Variants in RAD51B observed in about 807,000 individuals in gnomAD.
RAD51B encodes RAD51 paralog B.
RAD51B carries 38 observed loss-of-function variants against 42.2 expected under a neutral mutation model. The ratio of observed to expected loss-of-function variants is 0.90; its 90% CI spans 0.70 to 1.18. The LOEUF is 1.18. Among genes scored for constraint, RAD51B ranks in the 50% most tolerant of loss-of-function variants. The pLI is 0.00. For missense variants in RAD51B, 373 were observed against 400.7 expected (o/e 0.93, Z 0.59); for synonymous variants, 154 against 145.2 (o/e 1.06, Z -0.43).
chr14:68,196,206 A>T (rs2079370459), intron 7 of RAD51B, among the ~76,000 whole-genome samples: 1 of 151,992 alleles, frequency 6.6e-6, no homozygotes, highest in East Asian at 1.9e-4. Context: ...AAAAAAAAAA[A>T]ATTATATTCC....
chr14:67,870,973 A>G (rs1293616802), intron 5 of RAD51B, among the ~76,000 whole-genome samples: 2 of 150,910 alleles, frequency 1.3e-5, no homozygotes, highest in Admixed American at 6.6e-5. Flanking sequence ...AAATGCCCAC[A>G]AGAGAAAGCA....
intron 8 of RAD51B, among the ~76,000 whole-genome samples, chr14:68,337,646 C>A (rs2082484470): frequency 1.3e-5 from 2 of 152,208 alleles, no homozygotes; most frequent in Non-Finnish European, 2.9e-5. Flanking sequence ...TATCCCAGAC[C>A]AGCTGAATCA....
chr14:67,996,322 G>C (rs2075382574), intron 7 of RAD51B, among the ~76,000 whole-genome samples: 1 of 151,702 alleles, frequency 6.6e-6, no homozygotes, highest in African/African-American at 2.4e-5. Context: ...TTTGAGACCA[G>C]GAGGTCGAGG....
At chr14:67,876,415 G>A (rs948013157) in intron 5 of RAD51B, among the ~76,000 whole-genome samples, 1 of 152,058 alleles carries the variant, frequency 6.6e-6, no homozygotes, top group Non-Finnish European at 1.5e-5. Flanking sequence ...TAATAATTTT[G>A]TACAGGGTTT....
At chr14:68,169,295 A>G (rs1211274138) in intron 7 of RAD51B, among the ~76,000 whole-genome samples, 1 of 152,130 alleles carries the variant, frequency 6.6e-6, no homozygotes, top group Non-Finnish European at 1.5e-5. Flanking sequence ...TTCTGGTTAT[A>G]TTCTCCTCAT....
intron 3 of RAD51B, among the ~76,000 whole-genome samples, chr14:67,827,806 A>C (rs1197636629): frequency 6.6e-6 from 1 of 152,194 alleles, no homozygotes; most frequent in African/African-American, 2.4e-5. Context: ...ATGCCCCTGC[A>C]AAGGACATAA....
exon 11 of RAD51B, chr14:68,594,829 C>G: frequency 8.3e-7 from 1 of 1,210,836 alleles, no homozygotes; most frequent in Non-Finnish European, 1.0e-6. Flanking sequence ...GTGACCTGCT[C>G]AGGTGCCCCT....
In RAD51B at chr14:68,435,492, G is replaced by GTT. The variant is rs35536205; in HGVS notation, c.957+23982_957+23983dup. Among the ~76,000 whole-genome samples, 463 of 128,098 alleles carry GTT rather than the reference G, an allele frequency of 3.6e-3. 4 individuals carry two copies. The highest frequency in any genetic ancestry group is 2.7e-3 in the Non-Finnish European group (162 of 60,176). The allele number at this position is 128,098 out of a possible 152,430, so 84.0% of individuals were successfully genotyped here. On this transcript the variant is annotated intron_variant, in intron 9 of 10. Coordinates refer to ENST00000471583, the MANE Select transcript of RAD51B (RefSeq NM_133510.4). The stretch of plus-strand genomic sequence containing the variant: ...AACATCTAAGTACATGTGGTTTTTG[G>GTT]TTTTTTTTTTTTTTTTTTGGGAGAA...
chr14:68,349,662 G>A (rs1451512969), intron 8 of RAD51B, among the ~76,000 whole-genome samples: 1 of 152,136 alleles, frequency 6.6e-6, no homozygotes, highest in Non-Finnish European at 1.5e-5. Context: ...CACCATGCCT[G>A]GCTTCCCTAC....
chr14:68,275,549 C>T (rs145098837), intron 7 of RAD51B, among the ~76,000 whole-genome samples: 80 of 152,076 alleles, frequency 5.3e-4, no homozygotes, highest in Non-Finnish European at 5.9e-4. Context: ...CTCCTGCCTG[C>T]GAGGGAATTG....
intron 8 of RAD51B, among the ~76,000 whole-genome samples, chr14:68,300,829 C>T (rs1460725446): frequency 3.3e-5 from 5 of 152,152 alleles, no homozygotes; most frequent in South Asian, 2.1e-4. Context: ...CATTAGCTAG[C>T]GCAGGCTGTC....
At chr14:68,061,053 CTT>C (rs755916680) in intron 7 of RAD51B, among the ~76,000 whole-genome samples, 8,416 of 100,424 alleles carry the variant, frequency 0.084, 150 homozygotes, top group African/African-American at 0.23. Flanking sequence ...TATTTGAGGT[CTT>C]TTTTTTTTTT....
At chr14:68,679,847 T>C (rs1893389902) in intron 11 of RAD51B, among the ~76,000 whole-genome samples, 1 of 152,238 alleles carries the variant, frequency 6.6e-6, no homozygotes, top group South Asian at 2.1e-4. Context: ...CGTTCTTTCT[T>C]CTGGAATCCC....
chr14:68,603,634 G>C (rs1891314832), intron 10 of RAD51B, among the ~76,000 whole-genome samples: 1 of 152,130 alleles, frequency 6.6e-6, no homozygotes, highest in East Asian at 1.9e-4. Flanking sequence ...GGTCATAAAA[G>C]GCCAAGTTAA....
At chr14:68,434,337 C>G (rs748316980) in intron 9 of RAD51B, among the ~76,000 whole-genome samples, 2 of 152,172 alleles carry the variant, frequency 1.3e-5, no homozygotes, top group African/African-American at 4.8e-5. Flanking sequence ...TCCTGCCCCC[C>G]AGAGGTGGAG....
At chr14:68,425,936 T>TTTTCTTTCTTTCTTTCTTTTC (rs1555407996) in intron 9 of RAD51B, among the ~76,000 whole-genome samples, 1 of 73,880 alleles carries the variant, frequency 1.4e-5, no homozygotes, top group East Asian at 6.2e-4. Context: ...AGGCCATTCT[T>TTTTCTTTCTTTCTTTCTTTTC]TTTCTTTCTT....
chr14:68,225,586 C>T (rs972049725), intron 7 of RAD51B, among the ~76,000 whole-genome samples: 3 of 152,172 alleles, frequency 2.0e-5, no homozygotes, highest in Non-Finnish European at 2.9e-5. Flanking sequence ...GGAAATTGTG[C>T]TCAGGTCTGC....
rs568773586 is a variant in RAD51B, at chr14:68,155,218, G to A, written c.757-136666G>A. Among the ~76,000 whole-genome samples, 18 of 150,846 alleles carry A rather than the reference G, an allele frequency of 1.2e-4. No individual in the cohort carries two copies. In the South Asian group the frequency reaches 2.7e-3, roughly 23 times the overall value. Reference sequence around the variant, plus strand: ...TTCTTTTTTTTTTTTTTGAGGTGGAGTCTCGCTCTATTGCCCAGGCTGGAG... The same window carrying A: ...TTCTTTTTTTTTTTTTTGAGGTGGAATCTCGCTCTATTGCCCAGGCTGGAG... On this transcript the variant is annotated intron_variant, in intron 7 of 10. Transcript: ENST00000471583.
intron 10 of RAD51B, among the ~76,000 whole-genome samples, chr14:68,537,818 A>C (rs976602433): frequency 5.9e-5 from 9 of 152,130 alleles, no homozygotes; most frequent in Admixed American, 2.0e-4. Context: ...TTAGTTTAAA[A>C]TATTTCCATG....
Sources: allele counts gnomAD v4.1 joint callset (sites outside exome capture counted in the v4.1 genomes callset), GRCh38; gene constraint gnomAD v4.1.1; transcripts MANE v1.5; gene names NCBI Gene and HGNC (gene_info 2026-07-23, HGNC 2026-07-21).